Variants in TTC28 observed in about 807,000 individuals in gnomAD.
TTC28 encodes tetratricopeptide repeat domain 28.
A neutral mutation model predicts 198.0 loss-of-function variants in TTC28; 61 were observed. The observed-to-expected ratio is 0.31, with a 90% CI of 0.25 to 0.38. The LOEUF (loss-of-function observed/expected upper bound fraction) is 0.38, where lower values mean the gene tolerates loss of function less well. Among genes scored for constraint, TTC28 ranks in the 10% least tolerant of loss-of-function variants. The pLI is 1.00. For synonymous variants in TTC28, 1,171 were observed against 1,297.8 expected (o/e 0.90, Z 2.10); for missense variants, 2,678 against 3,164.0 (o/e 0.85, Z 3.69).
chr22:28,506,345 C>A (rs2048612445), intron 2 of TTC28, among the ~76,000 whole-genome samples: 1 of 152,054 alleles, frequency 6.6e-6, no homozygotes, highest in Admixed American at 6.5e-5. Context: ...CCCTCACAGG[C>A]AGGACCTCCC....
chr22:28,147,500 C>A, intron 6 of TTC28, among the ~76,000 whole-genome samples: 1 of 152,140 alleles, frequency 6.6e-6, no homozygotes, highest in East Asian at 1.9e-4. Flanking sequence ...CTTAGAAATG[C>A]TACAGCTTTA....
intron 2 of TTC28, among the ~76,000 whole-genome samples, chr22:28,361,948 C>T (rs2046165510): frequency 6.6e-6 from 1 of 152,194 alleles, no homozygotes; most frequent in African/African-American, 2.4e-5. Flanking sequence ...TTTAAGCACA[C>T]TATTGAGACC....
At chr22:27,992,505 T>G (rs545507786) in intron 19 of TTC28, 82 bp downstream of exon 19, 341 of 1,402,750 alleles carry the variant, frequency 2.4e-4, no homozygotes, top group Non-Finnish European at 3.2e-4. Context: ...ACTTACAGGT[T>G]CCTATTTAGG....
intron 6 of TTC28, among the ~76,000 whole-genome samples, chr22:28,157,615 G>A (rs1943777731): frequency 6.6e-6 from 1 of 152,100 alleles, no homozygotes; most frequent in Non-Finnish European, 1.5e-5. Flanking sequence ...GAGATGGCAA[G>A]GATGGTTCAA....
At chr22:28,251,444 C>T (rs1246049061) in intron 5 of TTC28, among the ~76,000 whole-genome samples, 2 of 152,118 alleles carry the variant, frequency 1.3e-5, no homozygotes, top group Non-Finnish European at 2.9e-5. Flanking sequence ...AAGTATTTAT[C>T]ATCTGGCCCT....
intron 2 of TTC28, among the ~76,000 whole-genome samples, chr22:28,590,332 T>C (rs763912121): frequency 2.0e-5 from 3 of 152,070 alleles, no homozygotes; most frequent in East Asian, 2.0e-4. Flanking sequence ...GGTTTCACCA[T>C]GTTAGCCAGG....
chr22:28,165,089 C>T (rs547534363), intron 5 of TTC28, among the ~76,000 whole-genome samples: 10 of 151,184 alleles, frequency 6.6e-5, no homozygotes, highest in African/African-American at 1.2e-4. Context: ...TGATGGAAGA[C>T]GAAATGAATG....
rs150403309 is a variant in TTC28 at position 28,334,792 on chromosome 22, G to A, written c.382-28149C>T. Among the ~76,000 whole-genome samples the A allele has an allele frequency of 3.7e-3, 565 of 152,280 alleles. 10 individuals carry two copies. The East Asian group carries it at 0.057, about 15-fold the overall frequency. ...GATTGCAAACATTTTCTCCCATTCT[G>A]TAGGTTGCCTGTTCACGCTGATGGT... On this transcript the variant is annotated intron_variant, in intron 2 of 22. Coordinates refer to ENST00000397906, the MANE Select transcript of TTC28 (RefSeq NM_001145418.2).
rs769164781 is a variant in TTC28 at position 28,107,383 on chromosome 22, A to C, written c.2462T>G (p.Leu821Arg). 1.5e-5 allele frequency: 23 copies of C among 1,551,772 alleles called. No individual in the cohort carries two copies. The highest frequency in any genetic ancestry group is 2.0e-5 in the Non-Finnish European group (23 of 1,147,042). The change falls in exon 7 of 23, where the codon CTG becomes CGG. Residue 821 changes from leucine to arginine, a missense_variant. Around this residue, in one of 8 missense-constraint regions of TTC28, gnomAD observed 775 missense variants for 845.9 expected, o/e 0.92. Coordinates refer to ENST00000397906, the MANE Select transcript of TTC28 (RefSeq NM_001145418.2). ...ATCCTTCAGCTTTTGCCCTAGATCC[A>C]GTTGCTCTTCATAACACTTGAATGC... ...TMAFKCYEEQLDLGQKLKDPS... is the reference protein window; with the variant it reads ...TMAFKCYEEQRDLGQKLKDPS...
At chr22:28,269,738 G>T (rs529824087) in intron 5 of TTC28, among the ~76,000 whole-genome samples, 10 of 152,152 alleles carry the variant, frequency 6.6e-5, no homozygotes, top group Middle Eastern at 3.2e-3. Context: ...GAGAGGAGGG[G>T]AGCCATGTGC....
intron 2 of TTC28, among the ~76,000 whole-genome samples, chr22:28,340,771 T>C (rs2145905855): frequency 1.3e-5 from 2 of 152,318 alleles, no homozygotes; most frequent in South Asian, 4.1e-4. Context: ...GCAGTAATTA[T>C]TCACAAGTCA....
Position 28,305,868 on chromosome 22 carries a change from C to T in TTC28, c.529+628G>A, listed in dbSNP as rs562947455. ...CAGAACTCCTCCAACCTCTACAGTA[C>T]CATTTTCAATCCATTCTTTTGTTTG... On this transcript the variant is annotated intron_variant, in intron 3 of 22. Coordinates refer to ENST00000397906, the MANE Select transcript of TTC28 (RefSeq NM_001145418.2). Among the ~76,000 whole-genome samples the T allele has an allele frequency of 1.2e-4, 18 of 152,242 alleles. No individual in the cohort carries two copies. The South Asian group carries it at 1.2e-3, about 11-fold the overall frequency.
At chr22:28,161,252 C>G (rs1242582592) in intron 6 of TTC28, among the ~76,000 whole-genome samples, 2 of 152,162 alleles carry the variant, frequency 1.3e-5, no homozygotes, top group Non-Finnish European at 2.9e-5. Context: ...CAAAGAATCA[C>G]CAAGTGCAGT....
intron 2 of TTC28, among the ~76,000 whole-genome samples, chr22:28,390,201 TGAGA>T (rs1413052863): frequency 3.3e-5 from 5 of 152,210 alleles, no homozygotes; most frequent in African/African-American, 1.2e-4. Flanking sequence ...CACTGTGGTC[TGAGA>T]GATAGTTTGT....
intron 1 of TTC28, among the ~76,000 whole-genome samples, chr22:28,644,799 G>A (rs2051429398): frequency 6.6e-6 from 1 of 152,048 alleles, no homozygotes; most frequent in Middle Eastern, 3.4e-3. Flanking sequence ...CTCCAGCCTG[G>A]GCAACAAAGT....
At chr22:28,322,223 G>A (rs1262086745) in intron 2 of TTC28, among the ~76,000 whole-genome samples, 1 of 151,906 alleles carries the variant, frequency 6.6e-6, no homozygotes, top group Non-Finnish European at 1.5e-5. Context: ...CTGTTTTCTG[G>A]CACCTGTTCT....
chr22:28,240,383 T>A (rs1030771335), intron 5 of TTC28, among the ~76,000 whole-genome samples: 2 of 152,176 alleles, frequency 1.3e-5, no homozygotes, highest in Non-Finnish European at 2.9e-5. Flanking sequence ...ATTGGGGGTA[T>A]CTATAAGGAT....
chr22:28,231,234 T>A (rs573396205), intron 5 of TTC28, among the ~76,000 whole-genome samples: 1 of 152,178 alleles, frequency 6.6e-6, no homozygotes, highest in African/African-American at 2.4e-5. Context: ...CAGCAGGAGA[T>A]AGATATGTAA....
At chr22:28,018,086 C>T (rs1205828987) in intron 13 of TTC28, among the ~76,000 whole-genome samples, 1 of 152,188 alleles carries the variant, frequency 6.6e-6, no homozygotes, top group Non-Finnish European at 1.5e-5. Context: ...TTCTTGCAAC[C>T]TGGCAGCTCA....
Sources: gnomAD v4.1 joint callset for allele counts (sites outside exome capture counted in the v4.1 genomes callset) on GRCh38, gnomAD v4.1.1 for gene constraint, gnomAD v4.1.1 regional missense constraint, MANE v1.5 for transcripts, NCBI Gene and HGNC (gene_info 2026-07-23, HGNC 2026-07-21) for gene names.